Variants in CNTN4 observed in about 807,000 individuals in gnomAD.
CNTN4 encodes contactin-4.
CNTN4 carries 77 observed loss-of-function variants against 122.5 expected under a neutral mutation model. The ratio of observed to expected loss-of-function variants is 0.63; its 90% confidence interval spans 0.52 to 0.76. The LOEUF (loss-of-function observed/expected upper bound fraction) is 0.76, where lower values mean the gene tolerates loss of function less well. Among genes scored for constraint, CNTN4 ranks in the 30% least tolerant of loss-of-function variants. CNTN4 has a pLI of 0.00. For missense variants in CNTN4, 1,256 were observed against 1,259.1 expected, an observed-to-expected ratio of 1.00 and a Z score of 0.04; for synonymous variants, 512 against 447.0, an observed-to-expected ratio of 1.15 and a Z score of -1.83.
At chr3:2,947,092 C>T (rs1434238209) in intron 13 of CNTN4, among the ~76,000 whole-genome samples, 1 of 152,202 alleles carries the variant, frequency 6.6e-6, no homozygotes. Context: ...GTTAGCCATA[C>T]AATCCTTGTA....
intron 2 of CNTN4, among the ~76,000 whole-genome samples, chr3:2,205,196 A>C (rs1448376081): frequency 6.6e-6 from 1 of 151,252 alleles, no homozygotes; most frequent in Non-Finnish European, 1.5e-5. Flanking sequence ...ATACATGGAT[A>C]GTTTTCTGCC....
intron 4 of CNTN4, among the ~76,000 whole-genome samples, chr3:2,593,709 G>A (rs1576141636): frequency 6.7e-6 from 1 of 148,882 alleles, no homozygotes; most frequent in African/African-American, 2.5e-5. Flanking sequence ...ATATGTTGAT[G>A]GATTTGTGTT....
intron 3 of CNTN4, among the ~76,000 whole-genome samples, chr3:2,367,582 T>C (rs889098046): frequency 2.2e-4 from 33 of 152,294 alleles, no homozygotes; most frequent in African/African-American, 7.9e-4. Flanking sequence ...TAGAGTGCAA[T>C]GGCACAATCT....
chr3:2,275,927 A>AC (rs1178154623), intron 2 of CNTN4, among the ~76,000 whole-genome samples: 4 of 101,766 alleles, frequency 3.9e-5, no homozygotes, highest in East Asian at 2.8e-4. Context: ...CTCAAAAAAA[A>AC]AAAAAAAAAA....
intron 4 of CNTN4, among the ~76,000 whole-genome samples, chr3:2,678,344 C>G (rs948174173): frequency 6.6e-6 from 1 of 152,074 alleles, no homozygotes; most frequent in Non-Finnish European, 1.5e-5. Flanking sequence ...TTATATTTAT[C>G]CTGTCCTTAA....
At chr3:2,913,672 T>C (rs976350890) in intron 12 of CNTN4, among the ~76,000 whole-genome samples, 1 of 152,196 alleles carries the variant, frequency 6.6e-6, no homozygotes, top group Non-Finnish European at 1.5e-5. Context: ...GAAGCAAACA[T>C]TGACAGAACT....
At chr3:2,789,766 A>G (rs568308815) in intron 6 of CNTN4, among the ~76,000 whole-genome samples, 4 of 152,218 alleles carry the variant, frequency 2.6e-5, no homozygotes, top group Non-Finnish European at 5.9e-5. Flanking sequence ...AGGATAACCC[A>G]AAGAACAATG....
chr3:2,352,608 G>A lies in CNTN4; in HGVS notation c.-89+13375G>A, dbSNP rs539772632. 2.0e-3 allele frequency among the ~76,000 whole-genome samples: 297 copies of A among 152,280 alleles called. 2 individuals carry two copies. Among genetic ancestry groups the A allele is most frequent in the African/African-American group, 6.6e-3 (273 of 41,558 alleles). ...CAGTGCTGTGCTCAAATTCTCACCG[G>A]GCCTCTGCTGCCTCCCCTTGGTGCA... On this transcript the variant is annotated intron_variant, in intron 3 of 24. Coordinates refer to ENST00000418658, the MANE Select transcript of CNTN4 (RefSeq NM_175607.3).
chr3:2,465,261 T>G (rs1020531958), intron 3 of CNTN4, among the ~76,000 whole-genome samples: 33 of 152,332 alleles, frequency 2.2e-4, no homozygotes, highest in African/African-American at 7.5e-4. Flanking sequence ...CCATGAAGAC[T>G]AACTAACTGT....
At chr3:2,598,773 A>G (rs1046290220) in intron 4 of CNTN4, among the ~76,000 whole-genome samples, 3 of 151,996 alleles carry the variant, frequency 2.0e-5, no homozygotes, top group Admixed American at 6.6e-5. Flanking sequence ...TTGTGCATGT[A>G]GAGCCATTGT....
chr3:2,951,631 G>C lies in CNTN4; in HGVS notation c.1358+25852G>C, dbSNP rs531041490. ...TTTACTGTCTTCTCCATGACTCCAA[G>C]AAGTGTTTTAACTTTACAGATGAAA... On this transcript the variant is annotated intron_variant, in intron 13 of 24. Coordinates refer to ENST00000418658, the MANE Select transcript of CNTN4 (RefSeq NM_175607.3). Among the ~76,000 whole-genome samples, 238 of 152,294 alleles carry C rather than the reference G, an allele frequency of 1.6e-3. 1 individual carries two copies. The highest frequency in any genetic ancestry group is 9.1e-3 in the South Asian group (44 of 4,822).
chr3:2,140,897 C>T (rs147551530), intron 2 of CNTN4, among the ~76,000 whole-genome samples: 63 of 152,238 alleles, frequency 4.1e-4, no homozygotes, highest in African/African-American at 1.3e-3. Context: ...TTCATTGTGT[C>T]GGAACATCTT....
intron 3 of CNTN4, among the ~76,000 whole-genome samples, chr3:2,364,403 A>G (rs1191761845): frequency 6.6e-6 from 1 of 152,094 alleles, no homozygotes; most frequent in Non-Finnish European, 1.5e-5. Flanking sequence ...TAATCTTTCT[A>G]TTTCCAAGGA....
At chr3:2,324,181 A>G (rs2043368632) in intron 2 of CNTN4, among the ~76,000 whole-genome samples, 1 of 152,142 alleles carries the variant, frequency 6.6e-6, no homozygotes, top group Non-Finnish European at 1.5e-5. Context: ...AGCAGTTTAG[A>G]GCATGGCATG....
At chr3:2,732,503 TAA>T (rs11368854) in intron 4 of CNTN4, among the ~76,000 whole-genome samples, 11 of 139,522 alleles carry the variant, frequency 7.9e-5, no homozygotes, top group Admixed American at 7.2e-5. Context: ...CTTACTGTGA[TAA>T]AAAAAAAAAA....
At chr3:2,740,672 ACTAT>A (rs940866518) in intron 5 of CNTN4, among the ~76,000 whole-genome samples, 9 of 137,848 alleles carry the variant, frequency 6.5e-5, no homozygotes, top group Non-Finnish European at 1.3e-4. Context: ...TTTAACAACT[ACTAT>A]CTAATATTAT....
At chr3:2,763,895 T>C (rs771597626) in intron 6 of CNTN4, among the ~76,000 whole-genome samples, 3 of 152,142 alleles carry the variant, frequency 2.0e-5, no homozygotes, top group Non-Finnish European at 4.4e-5. Flanking sequence ...CCCTATAGTA[T>C]AGTTTGAAGT....
At chr3:2,424,087 T>C (rs2047720661) in intron 3 of CNTN4, among the ~76,000 whole-genome samples, 1 of 151,600 alleles carries the variant, frequency 6.6e-6, no homozygotes, top group Admixed American at 6.6e-5. Context: ...GTATTATACT[T>C]TGAGTTCTAG....
At chr3:2,562,424 C>A (rs1193721402) in intron 3 of CNTN4, among the ~76,000 whole-genome samples, 1 of 152,114 alleles carries the variant, frequency 6.6e-6, no homozygotes, top group Non-Finnish European at 1.5e-5. Flanking sequence ...CTGTTCCCAT[C>A]TTTATGTCCC....
Sources: gnomAD v4.1 joint callset for allele counts (sites outside exome capture counted in the v4.1 genomes callset) on GRCh38, gnomAD v4.1.1 for gene constraint, MANE v1.5 for transcripts, NCBI Gene and HGNC (gene_info 2026-07-23, HGNC 2026-07-21) for gene names.